Variants in LINGO1 observed in about 807,000 individuals in gnomAD.
The protein encoded by LINGO1 is leucine-rich repeat and immunoglobulin-like domain-containing nogo receptor-interacting protein 1.
LINGO1 carries 11 observed loss-of-function variants against 37.3 expected under a neutral mutation model. The ratio of observed to expected loss-of-function variants is 0.29; its 90% CI spans 0.19 to 0.49. The LOEUF (loss-of-function observed/expected upper bound fraction) is 0.49, where lower values mean the gene tolerates loss of function less well. Among genes scored for constraint, LINGO1 ranks in the 20% least tolerant of loss-of-function variants. The pLI is 0.99. For missense variants in LINGO1, 585 were observed against 878.2 expected (o/e 0.67, Z 4.22); for synonymous variants, 387 against 403.0 (o/e 0.96, Z 0.48).
At chr15:77,777,251 G>C (rs112607172) in intron 1 of LINGO1, among the ~76,000 whole-genome samples, 14 of 118,314 alleles carry the variant, frequency 1.2e-4, no homozygotes, top group African/African-American at 4.3e-4. Context: ...GATTACTGTC[G>C]TTGTTATCAT....
chr15:77,733,134 C>A (rs988117341), intron 2 of LINGO1, among the ~76,000 whole-genome samples: 2 of 152,180 alleles, frequency 1.3e-5, no homozygotes, highest in African/African-American at 4.8e-5. Context: ...TCAGGACAAG[C>A]GCCTGGAACT....
chr15:77,711,983 G>A (rs12911718), intron 2 of LINGO1, among the ~76,000 whole-genome samples: 67,714 of 151,978 alleles, frequency 0.45, 15,906 homozygotes, highest in Admixed American at 0.58. Flanking sequence ...CTCAGGTCCA[G>A]ATTCCTCCCA....
chr15:77,628,369 C>T (rs2074156068), intron 1 of LINGO1, among the ~76,000 whole-genome samples: 1 of 152,152 alleles, frequency 6.6e-6, no homozygotes, highest in African/African-American at 2.4e-5. Context: ...CATTATACAT[C>T]AGTGAAAATG....
At chr15:77,753,777 G>A (rs2076393632) in intron 1 of LINGO1, among the ~76,000 whole-genome samples, 1 of 152,188 alleles carries the variant, frequency 6.6e-6, no homozygotes, top group African/African-American at 2.4e-5. Flanking sequence ...ACACACACAC[G>A]ATGTTTATCT....
Position 77,613,768 on chromosome 15 carries a change from T to C in LINGO1, c.*276A>G, listed in dbSNP as rs891553926. On this transcript the variant is annotated 3_prime_UTR_variant, in exon 2 of 2. Transcript: ENST00000355300. Reference sequence around the variant, plus strand: ...AGTTCGTAACTTTTTTATTGAATTATTGACTCTGCCGCGTGTCGGTTCGTC... The same window carrying C: ...AGTTCGTAACTTTTTTATTGAATTACTGACTCTGCCGCGTGTCGGTTCGTC... 2.3e-6 allele frequency: 1 copy of C among 441,042 alleles called. No homozygotes were observed. Among genetic ancestry groups the C allele is most frequent in the Non-Finnish European group, 4.0e-6 (1 of 248,954 alleles). 27.3% of individuals were successfully genotyped at this position (441,042 alleles called of 1,614,324 possible).
At chr15:77,680,653 G>A (rs1326969659) in intron 2 of LINGO1, among the ~76,000 whole-genome samples, 4 of 152,122 alleles carry the variant, frequency 2.6e-5, no homozygotes, top group East Asian at 3.9e-4. Flanking sequence ...CTCCATGAGA[G>A]TTGGGGCCTA....
intron 1 of LINGO1, among the ~76,000 whole-genome samples, chr15:77,786,434 C>T (rs1596230342): frequency 6.6e-6 from 1 of 152,340 alleles, no homozygotes; most frequent in East Asian, 1.9e-4. Context: ...TCTCCCCTCC[C>T]TGGTGGCCCA....
chr15:77,656,772 T>C (rs972040519), intron 3 of LINGO1, among the ~76,000 whole-genome samples: 7 of 152,224 alleles, frequency 4.6e-5, no homozygotes, highest in Non-Finnish European at 7.3e-5. Flanking sequence ...TTGTCCATGA[T>C]ACATGCCCTG....
intron 3 of LINGO1, among the ~76,000 whole-genome samples, chr15:77,658,541 CAAGT>C (rs1320532228): frequency 6.6e-6 from 1 of 152,154 alleles, no homozygotes; most frequent in Non-Finnish European, 1.5e-5. Context: ...AGCCGATCCG[CAAGT>C]AATAACAGAC....
upstream of LINGO1, among the ~76,000 whole-genome samples, chr15:77,638,640 C>G (rs184104495): frequency 4.6e-5 from 7 of 152,280 alleles, no homozygotes; most frequent in East Asian, 1.9e-4. Flanking sequence ...TAAGTCGGAG[C>G]CTGTTATTAA....
intron 2 of LINGO1, among the ~76,000 whole-genome samples, chr15:77,793,935 T>A (rs536826144): frequency 6.6e-6 from 1 of 152,186 alleles, no homozygotes; most frequent in East Asian, 1.9e-4. Flanking sequence ...AAAAGCACCT[T>A]ACAGACTTCA....
In LINGO1 at chr15:77,615,852, G is replaced by T; in HGVS notation, c.55C>A (p.Leu19Ile). The T allele has an allele frequency of 6.7e-7, 1 of 1,498,630 alleles. No homozygotes were observed. Among genetic ancestry groups the T allele is most frequent in the Non-Finnish European group, 8.8e-7 (1 of 1,131,318 alleles). The allele number at this position is 1,498,630 out of a possible 1,614,324, so 92.8% of individuals were successfully genotyped here. A position where few individuals can be genotyped will look rare whatever the true frequency, so the allele number is the denominator to read the frequency against. ...AGGVRSMPSP[L>I]LACWQPILLL... ...AGGATGGGCTGCCAGCAGGCCAGGAGGGGGCTGGGCATGCTCCTCACGCCC... is the reference window on the plus strand; with the variant it reads ...AGGATGGGCTGCCAGCAGGCCAGGATGGGGCTGGGCATGCTCCTCACGCCC... The change falls in exon 2 of 2, where the codon CTC becomes ATC. Residue 19 changes from leucine to isoleucine, a missense_variant. This residue lies in a region of LINGO1 where 65 missense variants were observed against 57.0 expected (regional missense o/e 1.14). Coordinates refer to ENST00000355300, the MANE Select transcript of LINGO1 (RefSeq NM_032808.7).
chr15:77,760,916 CTT>C (rs34524098), intron 1 of LINGO1, among the ~76,000 whole-genome samples: 47 of 96,412 alleles, frequency 4.9e-4, no homozygotes, highest in Admixed American at 1.9e-3. Context: ...TAATAAGTAT[CTT>C]TTTTTTTTTT....
At chr15:77,805,629 T>C (rs550503906) in intron 1 of LINGO1, among the ~76,000 whole-genome samples, 1 of 152,080 alleles carries the variant, frequency 6.6e-6, no homozygotes, top group South Asian at 2.1e-4. Flanking sequence ...GAAGTGCCCA[T>C]GGCAGGGCTT....
At chr15:77,617,136 C>T (rs565072696) in intron 1 of LINGO1, among the ~76,000 whole-genome samples, 11 of 152,238 alleles carry the variant, frequency 7.2e-5, no homozygotes, top group Admixed American at 6.5e-4. Context: ...GTGCCAGGAG[C>T]GGGGTCCAGC....
chr15:77,714,331 C>T (rs1241263800), intron 2 of LINGO1, among the ~76,000 whole-genome samples: 1 of 152,198 alleles, frequency 6.6e-6, no homozygotes, highest in African/African-American at 2.4e-5. Context: ...GCCCTTCCTG[C>T]AGCAGCTGGA....
In LINGO1 at chr15:77,691,265, C is replaced by T. The variant is rs140030602; in HGVS notation, c.-280-364G>A. Among the ~76,000 whole-genome samples, 508 of 152,340 alleles carry T rather than the reference C, an allele frequency of 3.3e-3. 2 individuals are homozygous for T. The highest frequency in any genetic ancestry group is 5.7e-3 in the Non-Finnish European group (389 of 68,044). On this transcript the variant is annotated intron_variant, in intron 1 of 3. Coordinates refer to the LINGO1 transcript ENST00000559893. Reference sequence around the variant, plus strand: ...GCTGTGGATCAACCCTTGCCTGCCTCCTGGCCACAGTACATGGGAAAAACT... The same window carrying T: ...GCTGTGGATCAACCCTTGCCTGCCTTCTGGCCACAGTACATGGGAAAAACT...
chr15:77,633,306 A>C (rs1302191011), upstream of LINGO1, among the ~76,000 whole-genome samples: 1 of 152,130 alleles, frequency 6.6e-6, no homozygotes, highest in East Asian at 1.9e-4. Context: ...ATGCGTGTGC[A>C]TGTGAGCGCG....
chr15:77,643,568 A>G (rs1037034613), intron 3 of LINGO1, among the ~76,000 whole-genome samples: 1 of 151,916 alleles, frequency 6.6e-6, no homozygotes, highest in African/African-American at 2.4e-5. Context: ...TTGGCCTGCC[A>G]CCCCCTTCCC....
Sources: allele counts gnomAD v4.1 joint callset (sites outside exome capture counted in the v4.1 genomes callset), GRCh38; gene constraint gnomAD v4.1.1; regional missense constraint gnomAD v4.1.1; transcripts MANE v1.5; gene names NCBI Gene and HGNC (gene_info 2026-07-23, HGNC 2026-07-21).